Variants in NAALADL2 observed in about 807,000 individuals in gnomAD.
NAALADL2 encodes the protein N-acetylated alpha-linked acidic dipeptidase like 2, also known as inactive N-acetylated-alpha-linked acidic dipeptidase-like protein 2.
NAALADL2 carries 76 observed loss-of-function variants against 87.2 expected under a neutral mutation model. The ratio of observed to expected loss-of-function variants is 0.87; its 90% CI spans 0.72 to 1.05. The LOEUF (loss-of-function observed/expected upper bound fraction) is 1.05, where lower values mean the gene tolerates loss of function less well. NAALADL2 is among the 50% of genes least tolerant of loss of function. The pLI, the probability that NAALADL2 is intolerant of heterozygous loss-of-function variation, is 0.00. For synonymous variants in NAALADL2, 354 were observed against 331.0 expected, an observed-to-expected ratio of 1.07 and a Z score of -0.75; for missense variants, 1,089 against 945.8, an observed-to-expected ratio of 1.15 and a Z score of -1.99.
chr3:175,619,275 A>AG (rs1725856214), intron 10 of NAALADL2, among the ~76,000 whole-genome samples: 1 of 146,772 alleles, frequency 6.8e-6, no homozygotes, highest in Admixed American at 6.8e-5. Flanking sequence ...AAGGAGAAGG[A>AG]AAGAAAGAAA....
intron 3 of NAALADL2, among the ~76,000 whole-genome samples, chr3:174,766,411 C>T (rs1713811165): frequency 6.6e-6 from 1 of 152,158 alleles, no homozygotes; most frequent in Non-Finnish European, 1.5e-5. Context: ...GTGTATCGCT[C>T]AGGCTCTTGC....
chr3:174,756,916 A>C (rs970965537), intron 3 of NAALADL2, among the ~76,000 whole-genome samples: 109 of 152,184 alleles, frequency 7.2e-4, no homozygotes, highest in African/African-American at 2.4e-3. Flanking sequence ...GATTTTAAAC[A>C]GTTCCTTTTA....
intron 1 of NAALADL2, among the ~76,000 whole-genome samples, chr3:175,023,543 C>A (rs935601130): frequency 6.6e-6 from 1 of 151,964 alleles, no homozygotes; most frequent in Non-Finnish European, 1.5e-5. Flanking sequence ...AAGGGGAAAG[C>A]TTATCAACTT....
chr3:175,542,480 C>A (rs138040657), intron 9 of NAALADL2, among the ~76,000 whole-genome samples: 323 of 152,310 alleles, frequency 2.1e-3, no homozygotes, highest in African/African-American at 7.5e-3. Flanking sequence ...TAGGAAAAGA[C>A]AGCCCTCCAT....
intron 2 of NAALADL2, among the ~76,000 whole-genome samples, chr3:174,620,686 A>C (rs1475683374): frequency 6.6e-6 from 1 of 152,046 alleles, no homozygotes; most frequent in Non-Finnish European, 1.5e-5. Context: ...AAAATCTTGT[A>C]GGTACCAAGG....
At chr3:175,332,646 T>C (rs1393699030) in intron 5 of NAALADL2, among the ~76,000 whole-genome samples, 1 of 152,214 alleles carries the variant, frequency 6.6e-6, no homozygotes, top group Non-Finnish European at 1.5e-5. Flanking sequence ...GTGTTGTGCC[T>C]TAACATATAG....
chr3:175,545,113 C>A lies in NAALADL2; in HGVS notation c.1654-30928C>A, dbSNP rs557345209. 5.9e-5 allele frequency among the ~76,000 whole-genome samples: 9 copies of A among 152,214 alleles called. No homozygotes were observed. The East Asian group carries it at 1.5e-3, about 26-fold the overall frequency. ...CCAAAAACATTATTAGAGAGGCCAG[C>A]AGATATTATTATACTCATTTAACAG... is the stretch of plus-strand genomic sequence containing the variant. On this transcript the variant is annotated intron_variant, in intron 9 of 13. Transcript: ENST00000454872.
chr3:175,303,727 A>T lies in NAALADL2; in HGVS notation c.940-20448A>T, dbSNP rs116200032. Among the ~76,000 whole-genome samples, 977 of 152,350 alleles carry T rather than the reference A, an allele frequency of 6.4e-3. 15 individuals are homozygous for T. Among genetic ancestry groups the T allele is most frequent in the African/African-American group, 0.022 (895 of 41,586 alleles). On this transcript the variant is annotated intron_variant, in intron 4 of 13. Transcript: ENST00000454872. ...CATACTACCAGAGAAACTAAATAAT[A>T]ACCATGATTCTCATATTTTTCACAG...
At chr3:175,018,862 CAT>C (rs1418300063) in intron 1 of NAALADL2, among the ~76,000 whole-genome samples, 1 of 150,974 alleles carries the variant, frequency 6.6e-6, no homozygotes, top group Non-Finnish European at 1.5e-5. Context: ...TTTACTGTGA[CAT>C]AGAAAAAACA....
chr3:175,221,937 G>A (rs550058274), intron 2 of NAALADL2, among the ~76,000 whole-genome samples: 56 of 151,990 alleles, frequency 3.7e-4, no homozygotes, highest in Admixed American at 3.7e-3. Context: ...ACCACACCTG[G>A]CTAATTTTTG....
intron 1 of NAALADL2, among the ~76,000 whole-genome samples, chr3:175,051,165 C>T (rs75195230): frequency 1.2e-3 from 187 of 152,218 alleles, no homozygotes; most frequent in Non-Finnish European, 2.0e-3. Context: ...TGTGTATGGT[C>T]CCATCCAACC....
chr3:174,609,178 C>G lies in NAALADL2; in HGVS notation c.-115+58541C>G, dbSNP rs545656947. ...GGGATGTATGTCAAAATAATAAGAG[C>G]TATCTATGACAACCCCACAGCCAAT... On this transcript the variant is annotated intron_variant, in intron 2 of 3. Transcript: ENST00000434257. Among the ~76,000 whole-genome samples the G allele has an allele frequency of 2.9e-3, 434 of 152,236 alleles. 3 individuals are homozygous for G. Among genetic ancestry groups the G allele is most frequent in the African/African-American group, 0.01 (420 of 41,534 alleles).
At chr3:174,923,057 C>G (rs1255717139) in intron 1 of NAALADL2, among the ~76,000 whole-genome samples, 1 of 152,048 alleles carries the variant, frequency 6.6e-6, no homozygotes, top group Non-Finnish European at 1.5e-5. Context: ...AAAAAAGGAA[C>G]AAGGCAAGGA....
intron 11 of NAALADL2, among the ~76,000 whole-genome samples, chr3:175,708,536 G>A (rs908043864): frequency 4.0e-5 from 6 of 151,520 alleles, no homozygotes; most frequent in Non-Finnish European, 7.4e-5. Context: ...CCAAACTGCC[G>A]AGTTGTCAGT....
intron 4 of NAALADL2, among the ~76,000 whole-genome samples, chr3:175,292,437 T>C (rs1005753909): frequency 1.3e-5 from 2 of 152,162 alleles, no homozygotes; most frequent in African/African-American, 4.8e-5. Flanking sequence ...GAAAGTGATT[T>C]TGTGGGCTGC....
Position 175,619,972 on chromosome 3 carries a change from C to A in NAALADL2, c.1801-7319C>A, listed in dbSNP as rs1582653577. 3.3e-5 allele frequency among the ~76,000 whole-genome samples: 5 copies of A among 151,758 alleles called. No homozygotes were observed. In the South Asian group the frequency reaches 1.0e-3, roughly 32 times the overall value. On this transcript the variant is annotated intron_variant, in intron 10 of 13. Coordinates refer to ENST00000454872, the MANE Select transcript of NAALADL2 (RefSeq NM_207015.3). ...CCCCCGAGGGGTGATGGAGAATTGA[C>A]AAAGTCCTCCCCAGCAAGCCTCTCC...
At chr3:175,763,491 A>G (rs924856790) in intron 13 of NAALADL2, among the ~76,000 whole-genome samples, 2 of 152,164 alleles carry the variant, frequency 1.3e-5, no homozygotes, top group African/African-American at 2.4e-5. Context: ...CCCATACACT[A>G]GCTTACATAG....
intron 1 of NAALADL2, among the ~76,000 whole-genome samples, chr3:175,066,486 C>T (rs1580270857): frequency 6.6e-6 from 1 of 152,116 alleles, no homozygotes; most frequent in Admixed American, 6.6e-5. Context: ...AAAGTAGATG[C>T]TCAGTACCTG....
intron 1 of NAALADL2, among the ~76,000 whole-genome samples, chr3:174,445,103 G>T (rs1474010111): frequency 3.3e-5 from 5 of 151,704 alleles, no homozygotes; most frequent in Admixed American, 2.0e-4. Flanking sequence ...GCAGGGGATG[G>T]TGATAACCAC....
Sources: gnomAD v4.1 joint callset for allele counts (sites outside exome capture counted in the v4.1 genomes callset) on GRCh38, gnomAD v4.1.1 for gene constraint, MANE v1.5 for transcripts, NCBI Gene and HGNC (gene_info 2026-07-23, HGNC 2026-07-21) for gene names.